Variants in IMPG2 observed in about 807,000 individuals in gnomAD.
The protein encoded by IMPG2 is interphotoreceptor matrix proteoglycan 2, also known as IPM 200.
In IMPG2, 91 loss-of-function variants were observed where a neutral mutation model predicts 129.2. The observed-to-expected ratio is 0.70, with a 90% CI of 0.59 to 0.84. IMPG2 has a LOEUF of 0.84. IMPG2 is among the 40% of genes least tolerant of loss of function. The pLI is 0.00. For missense variants in IMPG2, 1,430 were observed against 1,461.7 expected (o/e 0.98, Z 0.35); for synonymous variants, 510 against 517.7 (o/e 0.99, Z 0.20).
At chr3:101,257,419 A>G in intron 10 of IMPG2, 110 bp downstream of exon 10, 3 of 1,356,492 alleles carry the variant, frequency 2.2e-6, no homozygotes, top group Non-Finnish European at 3.1e-6. Flanking sequence ...CTCCTGTCTC[A>G]TAAAGTCTAG....
At chr3:101,266,291 T>C (rs1706720010) in intron 9 of IMPG2, among the ~76,000 whole-genome samples, 1 of 152,198 alleles carries the variant, frequency 6.6e-6, no homozygotes, top group Non-Finnish European at 1.5e-5. Context: ...ACAGCCAAGA[T>C]ATGGGGTCAA....
Position 101,273,702 on chromosome 3 carries a change from T to C in IMPG2, c.707A>G (p.Lys236Arg), listed in dbSNP as rs976503788. The C allele has an allele frequency of 3.1e-6, 5 of 1,614,072 alleles. No individual in the cohort carries two copies. The African/African-American group carries it at 6.7e-5, about 22-fold the overall frequency. Reference protein sequence around the residue: ...EIENVIEEATKPAGEQIAEFS... With the variant: ...EIENVIEEATRPAGEQIAEFS... ...TTCTGCAATCTGTTCACCTGCTGGT[T>C]TTGTGGCTTCTTCTATCACATTCTC... The change falls in exon 7 of 19, where the codon AAA (lysine) becomes AGA (arginine). Residue 236 changes from lysine (K) to arginine (R), a missense_variant. Coordinates refer to ENST00000193391, the MANE Select transcript of IMPG2 (RefSeq NM_016247.4).
At chr3:101,319,906 G>T in intron 1 of IMPG2, 74 bp from the exon 2 acceptor site, 1 of 1,483,632 alleles carries the variant, frequency 6.7e-7, no homozygotes, top group East Asian at 2.3e-5. Flanking sequence ...AAGAAAAACT[G>T]ACACTTGGGC....
In IMPG2 at chr3:101,244,576, G is replaced by T; in HGVS notation, c.1755C>A (p.Phe585Leu). 6.3e-7 allele frequency: 1 copy of T among 1,594,048 alleles called. No individual in the cohort carries two copies. Among genetic ancestry groups the T allele is most frequent in the Non-Finnish European group, 8.5e-7 (1 of 1,170,772 alleles). The change falls in exon 13 of 19, where the codon TTC becomes TTA. Residue 585 changes from phenylalanine (F) to leucine (L), a missense_variant. Coordinates refer to ENST00000193391, the MANE Select transcript of IMPG2 (RefSeq NM_016247.4). ...CTTTTTCCATGGATGCATCTGGCAGGAAAGGGCTCACTTTTAATTGGTCTT... is the reference window on the plus strand; with the variant it reads ...CTTTTTCCATGGATGCATCTGGCAGTAAAGGGCTCACTTTTAATTGGTCTT... ...KVKDQLKVSPFLPDASMEKEL... is the reference protein window; with the variant it reads ...KVKDQLKVSPLLPDASMEKEL...
chr3:101,316,058 T>G (rs577717772), intron 2 of IMPG2, among the ~76,000 whole-genome samples: 3 of 152,026 alleles, frequency 2.0e-5, no homozygotes, highest in Non-Finnish European at 4.4e-5. Context: ...TTGGAACAAT[T>G]AGCTATGCAT....
intron 4 of IMPG2, among the ~76,000 whole-genome samples, chr3:101,277,202 AAG>A (rs769119800): frequency 1.3e-5 from 2 of 152,216 alleles, no homozygotes; most frequent in Non-Finnish European, 2.9e-5. Flanking sequence ...CAAGATGGTA[AAG>A]AACATTTCCA....
chr3:101,314,793 G>T (rs2058775706), intron 2 of IMPG2, among the ~76,000 whole-genome samples: 1 of 152,090 alleles, frequency 6.6e-6, no homozygotes, highest in Admixed American at 6.6e-5. Flanking sequence ...AACTGAAGAT[G>T]ACCTAAATAA....
chr3:101,242,637 G>C (rs1429893184), intron 14 of IMPG2, 51 bp downstream of exon 14: 18 of 1,329,738 alleles, frequency 1.4e-5, no homozygotes, highest in Non-Finnish European at 1.8e-5. Context: ...AAACACACAA[G>C]AATAATCACT....
chr3:101,241,076 C>T (rs1706401716), intron 14 of IMPG2, among the ~76,000 whole-genome samples: 1 of 152,166 alleles, frequency 6.6e-6, no homozygotes, highest in African/African-American at 2.4e-5. Flanking sequence ...AAGACACTAT[C>T]CTAAGTTCTG....
chr3:101,229,870 T>C (rs1706267728), intron 16 of IMPG2, among the ~76,000 whole-genome samples: 1 of 152,256 alleles, frequency 6.6e-6, no homozygotes. Flanking sequence ...TTGGAAACTA[T>C]GTCTGCCAGT....
chr3:101,267,961 T>C (rs1469458610), intron 8 of IMPG2, among the ~76,000 whole-genome samples: 4 of 152,192 alleles, frequency 2.6e-5, no homozygotes, highest in Admixed American at 2.0e-4. Context: ...CACAGTATAC[T>C]GCATAACCTT....
Position 101,257,685 on chromosome 3 carries a change from C to T in IMPG2, c.997G>A (p.Val333Met), listed in dbSNP as rs769044247. The T allele has an allele frequency of 6.2e-7, 1 of 1,613,464 alleles. No homozygotes were observed. Among genetic ancestry groups the T allele is most frequent in the Non-Finnish European group, 8.5e-7 (1 of 1,179,608 alleles). ...WDLISLHSNK[V>M]ENHGLVELDD... ...AGTTCCACAAGGCCATGGTTTTCCA[C>T]CTTGTTGGAGTGAAGGCTAATGAGG... Residue 333 changes from valine (V) to methionine (M), a missense_variant, in exon 10 of 19, where the codon GTG becomes ATG. Transcript: ENST00000193391.
At chr3:101,228,649 T>A in intron 18 of IMPG2, 148 bp downstream of exon 18, 1 of 678,658 alleles carries the variant, frequency 1.5e-6, no homozygotes, top group Non-Finnish European at 2.6e-6. Context: ...TGGACATGCA[T>A]AAACTTTGAA....
At chr3:101,251,327 A>G (rs1706541657) in intron 11 of IMPG2, among the ~76,000 whole-genome samples, 1 of 152,238 alleles carries the variant, frequency 6.6e-6, no homozygotes, top group East Asian at 1.9e-4. Flanking sequence ...AACAGGCAAC[A>G]TAAAATGTGA....
chr3:101,257,448 T>C (rs2107234500), intron 10 of IMPG2, 81 bp downstream of exon 10: 2 of 1,538,836 alleles, frequency 1.3e-6, no homozygotes, highest in Admixed American at 3.4e-5. Context: ...CAGAACCTTA[T>C]ATATTTCAGG....
intron 5 of IMPG2, 65 bp from the exon 6 acceptor site, chr3:101,275,810 G>A: frequency 1.7e-6 from 2 of 1,208,170 alleles, no homozygotes; most frequent in East Asian, 2.3e-5. Flanking sequence ...TTCCTATCAG[G>A]AAATAAGGAA....
intron 9 of IMPG2, among the ~76,000 whole-genome samples, chr3:101,260,344 C>T (rs558176124): frequency 1.3e-5 from 2 of 152,264 alleles, no homozygotes; most frequent in Middle Eastern, 3.4e-3. Context: ...GAACTTTCCT[C>T]AATCCTCTAA....
intron 2 of IMPG2, among the ~76,000 whole-genome samples, chr3:101,314,952 A>G (rs1456241168): frequency 6.6e-6 from 1 of 152,026 alleles, no homozygotes; most frequent in Non-Finnish European, 1.5e-5. Flanking sequence ...ACCTCTTTTG[A>G]TGGGTGACAG....
chr3:101,291,660 T>C, intron 3 of IMPG2, 150 bp from the exon 4 acceptor site: 2 of 672,484 alleles, frequency 3.0e-6, no homozygotes, highest in Non-Finnish European at 5.4e-6. Flanking sequence ...AAACAGGTAA[T>C]AATGATACCA....
Sources: gnomAD v4.1 joint callset for allele counts (sites outside exome capture counted in the v4.1 genomes callset) on GRCh38, gnomAD v4.1.1 for gene constraint, MANE v1.5 for transcripts, NCBI Gene and HGNC (gene_info 2026-07-23, HGNC 2026-07-21) for gene names.